NKAIN3: variants seen among roughly 807,000 people sequenced by gnomAD.
The protein encoded by NKAIN3 is sodium/potassium transporting ATPase interacting 3, also known as sodium/potassium-transporting ATPase subunit beta-1-interacting protein 3.
NKAIN3 carries 25 observed loss-of-function variants against 30.2 expected under a neutral mutation model. That is an observed-to-expected ratio of 0.83 (90% CI 0.60 to 1.16). The LOEUF is 1.16. NKAIN3 is among the 50% of genes most tolerant of loss of function. The pLI is 0.00. For missense variants in NKAIN3, 225 were observed against 254.1 expected, an observed-to-expected ratio of 0.89 and a Z score of 0.78; for synonymous variants, 91 against 89.6, an observed-to-expected ratio of 1.02 and a Z score of -0.09.
intron 4 of NKAIN3, among the ~76,000 whole-genome samples, chr8:62,901,196 C>G (rs2130837354): frequency 6.6e-6 from 1 of 152,312 alleles, no homozygotes; most frequent in East Asian, 1.9e-4. Context: ...GATCCTCTCC[C>G]ACCCTTGATC....
chr8:62,378,892 C>T (rs1268232342), intron 1 of NKAIN3, among the ~76,000 whole-genome samples: 1 of 152,124 alleles, frequency 6.6e-6, no homozygotes, highest in African/African-American at 2.4e-5. Flanking sequence ...GAGAAGAGGG[C>T]CATCATCCTC....
intron 1 of NKAIN3, among the ~76,000 whole-genome samples, chr8:62,353,877 AG>A (rs1816262697): frequency 6.6e-6 from 1 of 152,202 alleles, no homozygotes; most frequent in African/African-American, 2.4e-5. Flanking sequence ...AAGATTTCAC[AG>A]GCATGATGTT....
chr8:62,525,507 T>C (rs1046682988), intron 1 of NKAIN3, among the ~76,000 whole-genome samples: 14 of 152,296 alleles, frequency 9.2e-5, no homozygotes, highest in African/African-American at 3.4e-4. Flanking sequence ...TTTGGTTTTT[T>C]GTTCCTGTGT....
chr8:62,759,711 A>G (rs1816582600), intron 4 of NKAIN3, among the ~76,000 whole-genome samples: 1 of 124,014 alleles, frequency 8.1e-6, no homozygotes, highest in African/African-American at 3.1e-5. Flanking sequence ...GGCATGGGCA[A>G]GGACTTCATG....
In NKAIN3 at chr8:62,586,593, G is replaced by A. The variant is rs374679795; in HGVS notation, c.193-3121G>A. Among the ~76,000 whole-genome samples, 21 of 152,112 alleles carry A rather than the reference G, an allele frequency of 1.4e-4. No homozygotes were observed. In the East Asian group the frequency reaches 3.9e-3, roughly 28 times the overall value. The stretch of plus-strand genomic sequence containing the variant: ...ATATGATATTATAGCAAATTGATGT[G>A]TATATGAAAGAATGAATGAATGGTC... On this transcript the variant is annotated intron_variant, in intron 2 of 6. Coordinates refer to ENST00000623646, the MANE Select transcript of NKAIN3 (RefSeq NM_001304533.3).
intron 1 of NKAIN3, among the ~76,000 whole-genome samples, chr8:62,268,756 T>C (rs1210392397): frequency 6.6e-6 from 1 of 152,134 alleles, no homozygotes; most frequent in African/African-American, 2.4e-5. Flanking sequence ...AGAGCTGAGA[T>C]TCCAACCTAA....
intron 1 of NKAIN3, among the ~76,000 whole-genome samples, chr8:62,406,298 C>T (rs1239012341): frequency 1.3e-5 from 2 of 152,132 alleles, no homozygotes; most frequent in Admixed American, 1.3e-4. Context: ...CCTCACCTCA[C>T]CTGAATTTGT....
intron 3 of NKAIN3, among the ~76,000 whole-genome samples, chr8:62,672,418 G>T (rs1813332448): frequency 6.6e-6 from 1 of 152,160 alleles, no homozygotes; most frequent in African/African-American, 2.4e-5. Flanking sequence ...AACTCAAAAA[G>T]CCTGTTGATC....
chr8:62,275,092 G>A (rs1352551684), intron 1 of NKAIN3, among the ~76,000 whole-genome samples: 1 of 152,094 alleles, frequency 6.6e-6, no homozygotes, highest in African/African-American at 2.4e-5. Context: ...ATGATTTATA[G>A]TCCTTTGGGT....
chr8:62,807,709 C>T (rs181603233), intron 4 of NKAIN3, among the ~76,000 whole-genome samples: 138 of 150,572 alleles, frequency 9.2e-4, no homozygotes, highest in African/African-American at 3.1e-3. Flanking sequence ...CATGCCACCA[C>T]ACTCAGCTAA....
chr8:62,682,423 G>A (rs1813670879), intron 3 of NKAIN3, among the ~76,000 whole-genome samples: 1 of 152,192 alleles, frequency 6.6e-6, no homozygotes, highest in South Asian at 2.1e-4. Flanking sequence ...CAGGAAGAAG[G>A]AAGCCTCCAG....
chr8:62,814,181 C>T (rs1429414162), intron 4 of NKAIN3, among the ~76,000 whole-genome samples: 3 of 152,112 alleles, frequency 2.0e-5, no homozygotes, highest in South Asian at 4.1e-4. Flanking sequence ...ATCTTCATAC[C>T]TCTCCCAAGA....
chr8:62,955,293 A>ACT (rs1457718545), intron 6 of NKAIN3, among the ~76,000 whole-genome samples: 4 of 152,070 alleles, frequency 2.6e-5, no homozygotes, highest in African/African-American at 9.7e-5. Context: ...CCTATATAAC[A>ACT]CTCCAGAACC....
At chr8:62,582,186 C>T (rs1810326195) in intron 2 of NKAIN3, among the ~76,000 whole-genome samples, 1 of 149,480 alleles carries the variant, frequency 6.7e-6, no homozygotes, top group African/African-American at 2.5e-5. Flanking sequence ...CTTTCCTTTA[C>T]TCACTTCTTT....
chr8:62,601,731 G>A (rs565975592), intron 3 of NKAIN3, among the ~76,000 whole-genome samples: 8 of 152,112 alleles, frequency 5.3e-5, no homozygotes, highest in African/African-American at 9.6e-5. Context: ...ACAAAAGCCT[G>A]AAAATGTTTA....
chr8:62,945,437 C>A (rs1823095355), intron 5 of NKAIN3, among the ~76,000 whole-genome samples: 1 of 152,128 alleles, frequency 6.6e-6, no homozygotes. Flanking sequence ...CATCAGCATA[C>A]AAAATTAAAA....
At chr8:62,928,850 A>C (rs368895200) in intron 5 of NKAIN3, among the ~76,000 whole-genome samples, 1 of 152,198 alleles carries the variant, frequency 6.6e-6, no homozygotes, top group African/African-American at 2.4e-5. Context: ...TTGAGGCATA[A>C]GGCACTGAGG....
intron 4 of NKAIN3, among the ~76,000 whole-genome samples, chr8:62,752,675 C>T (rs1392465822): frequency 6.6e-6 from 1 of 152,182 alleles, no homozygotes; most frequent in Non-Finnish European, 1.5e-5. Context: ...CTAAAAGCTA[C>T]TCTTTAACTT....
intron 1 of NKAIN3, among the ~76,000 whole-genome samples, chr8:62,524,766 C>A (rs927151455): frequency 3.3e-5 from 5 of 152,100 alleles, no homozygotes; most frequent in Admixed American, 3.3e-4. Context: ...CTTAAAAGCA[C>A]TCCGCTCATC....
Sources: gnomAD v4.1 joint callset for allele counts (sites outside exome capture counted in the v4.1 genomes callset) on GRCh38, gnomAD v4.1.1 for gene constraint, MANE v1.5 for transcripts, NCBI Gene and HGNC (gene_info 2026-07-23, HGNC 2026-07-21) for gene names.